The following HS6ST3 variants were observed in gnomAD, a reference collection of about 807,000 sequenced individuals.
HS6ST3 encodes heparan sulfate 6-O-sulfotransferase 3, also known as heparan-sulfate 6-O-sulfotransferase 3.
Under a neutral mutation model 36.7 loss-of-function variants are expected in HS6ST3, and 12 were observed. The ratio of observed to expected loss-of-function variants is 0.33; its 90% CI spans 0.21 to 0.53. HS6ST3 has a LOEUF of 0.53. Among genes scored for constraint, HS6ST3 ranks in the 20% least tolerant of loss-of-function variants. The pLI, the probability that HS6ST3 is intolerant of heterozygous loss-of-function variation, is 0.95. For synonymous variants in HS6ST3, 240 were observed against 257.5 expected (o/e 0.93, Z 0.65); for missense variants, 584 against 640.9 (o/e 0.91, Z 0.96).
At chr13:96,519,454 G>A (rs1461522477) in intron 1 of HS6ST3, among the ~76,000 whole-genome samples, 2 of 152,200 alleles carry the variant, frequency 1.3e-5, no homozygotes, top group East Asian at 3.8e-4. Flanking sequence ...CCTACCACTG[G>A]GGAAGAGAGG....
At chr13:96,733,005 A>C (rs539532503) in intron 1 of HS6ST3, among the ~76,000 whole-genome samples, 9 of 152,282 alleles carry the variant, frequency 5.9e-5, no homozygotes, top group African/African-American at 2.2e-4. Context: ...AACTTTACTA[A>C]ATTTGTTTAT....
At chr13:96,395,411 A>G (rs957854082) in intron 1 of HS6ST3, among the ~76,000 whole-genome samples, 2 of 152,152 alleles carry the variant, frequency 1.3e-5, no homozygotes, top group African/African-American at 4.8e-5. Context: ...TATAATAAGA[A>G]TATGCCCTTC....
At chr13:96,229,376 T>TA (rs2139366720) in intron 1 of HS6ST3, among the ~76,000 whole-genome samples, 1 of 152,272 alleles carries the variant, frequency 6.6e-6, no homozygotes, top group African/African-American at 2.4e-5. Flanking sequence ...CTGGGTGGCT[T>TA]AAAAAACAGG....
At chr13:96,683,617 A>T (rs1289445980) in intron 1 of HS6ST3, among the ~76,000 whole-genome samples, 2 of 152,086 alleles carry the variant, frequency 1.3e-5, no homozygotes, top group Non-Finnish European at 2.9e-5. Context: ...TTGGCTAAGA[A>T]ATTGCTTTGT....
At chr13:96,208,799 GA>G (rs1198153251) in intron 1 of HS6ST3, among the ~76,000 whole-genome samples, 4 of 152,166 alleles carry the variant, frequency 2.6e-5, no homozygotes, top group African/African-American at 9.7e-5. Context: ...GGTACGAGGT[GA>G]AAGAGAATTT....
intron 1 of HS6ST3, among the ~76,000 whole-genome samples, chr13:96,680,473 G>C (rs931983597): frequency 2.6e-5 from 4 of 152,120 alleles, no homozygotes; most frequent in African/African-American, 9.7e-5. Context: ...TCATGTACCT[G>C]TACCCTGGAG....
intron 1 of HS6ST3, among the ~76,000 whole-genome samples, chr13:96,818,247 G>C (rs1594867660): frequency 6.6e-6 from 1 of 152,174 alleles, no homozygotes; most frequent in Admixed American, 6.5e-5. Context: ...AATGTCTGTC[G>C]TTGCTTTATT....
chr13:96,449,316 C>T (rs953771601), intron 1 of HS6ST3, among the ~76,000 whole-genome samples: 1 of 152,140 alleles, frequency 6.6e-6, no homozygotes, highest in Non-Finnish European at 1.5e-5. Flanking sequence ...GTCCAAAAAA[C>T]ATCCTCTCTC....
intron 1 of HS6ST3, among the ~76,000 whole-genome samples, chr13:96,755,915 T>C (rs560285163): frequency 6.6e-6 from 1 of 152,332 alleles, no homozygotes; most frequent in East Asian, 1.9e-4. Flanking sequence ...ATCACCAGTT[T>C]TCTTAAGTAG....
At chr13:96,739,246 T>A (rs894118233) in intron 1 of HS6ST3, among the ~76,000 whole-genome samples, 59 of 150,762 alleles carry the variant, frequency 3.9e-4, no homozygotes, top group African/African-American at 1.0e-3. Flanking sequence ...TGTGTGTGTG[T>A]GTGTGTGTGT....
chr13:96,351,335 T>TTTTTTTTTTTTTTTA (rs1203595829), intron 1 of HS6ST3, among the ~76,000 whole-genome samples: 14 of 146,400 alleles, frequency 9.6e-5, no homozygotes, highest in African/African-American at 3.6e-4. Context: ...TTTTTTTTTT[T>TTTTTTTTTTTTTTTA]AAAAAAAACA....
At chr13:96,339,874 C>G (rs1368522904) in intron 1 of HS6ST3, among the ~76,000 whole-genome samples, 1 of 152,150 alleles carries the variant, frequency 6.6e-6, no homozygotes, top group East Asian at 1.9e-4. Flanking sequence ...GTGTTAACCA[C>G]AAGACTTTAG....
chr13:96,529,220 A>G (rs571605382), intron 1 of HS6ST3, among the ~76,000 whole-genome samples: 25 of 152,150 alleles, frequency 1.6e-4, no homozygotes, highest in African/African-American at 2.4e-4. Flanking sequence ...AGTATAATGG[A>G]ATAGCATAGT....
intron 1 of HS6ST3, among the ~76,000 whole-genome samples, chr13:96,375,921 A>G (rs1284328802): frequency 6.6e-6 from 1 of 152,234 alleles, no homozygotes; most frequent in East Asian, 1.9e-4. Context: ...ACGATAATTT[A>G]AGCCAGCACT....
chr13:96,141,957 G>A lies in HS6ST3; in HGVS notation c.707+50388G>A, dbSNP rs548240649. On this transcript the variant is annotated intron_variant, in intron 1 of 1. Coordinates refer to ENST00000376705, the MANE Select transcript of HS6ST3 (RefSeq NM_153456.4). Reference sequence around the variant, plus strand: ...CACTAAATTCCTGCTGAAGAAAACCGTGTCCAGATATGCATGACTTTGCCA... The same window carrying A: ...CACTAAATTCCTGCTGAAGAAAACCATGTCCAGATATGCATGACTTTGCCA... Among the ~76,000 whole-genome samples, 12 of 148,310 alleles carry A rather than the reference G, an allele frequency of 8.1e-5. No homozygotes were observed. The South Asian group carries it at 8.5e-4, about 10-fold the overall frequency.
At chr13:96,305,734 T>C (rs1398595894) in intron 1 of HS6ST3, among the ~76,000 whole-genome samples, 1 of 152,160 alleles carries the variant, frequency 6.6e-6, no homozygotes, top group Non-Finnish European at 1.5e-5. Context: ...CACAGTAATA[T>C]ACATAATGTA....
intron 1 of HS6ST3, among the ~76,000 whole-genome samples, chr13:96,126,543 A>G (rs1182618433): frequency 1.3e-5 from 2 of 152,176 alleles, no homozygotes; most frequent in African/African-American, 4.8e-5. Context: ...GGCTGTCTGC[A>G]AAGAGGCAGG....
intron 1 of HS6ST3, among the ~76,000 whole-genome samples, chr13:96,163,519 G>A (rs1482837073): frequency 6.6e-6 from 1 of 152,060 alleles, no homozygotes; most frequent in South Asian, 2.1e-4. Flanking sequence ...GTGAGCCACT[G>A]CACCCAGCCC....
chr13:96,613,437 T>A (rs1483076782), intron 1 of HS6ST3, among the ~76,000 whole-genome samples: 1 of 152,178 alleles, frequency 6.6e-6, no homozygotes, highest in African/African-American at 2.4e-5. Context: ...GTTTTGCTTT[T>A]GAGAACAGGG....
Sources: allele counts gnomAD v4.1 joint callset (sites outside exome capture counted in the v4.1 genomes callset), GRCh38; gene constraint gnomAD v4.1.1; transcripts MANE v1.5; gene names NCBI Gene and HGNC (gene_info 2026-07-23, HGNC 2026-07-21).